Variants in ZNF277 observed in about 807,000 individuals in gnomAD.
ZNF277 encodes zinc finger protein 277, also known as nuclear receptor-interacting factor 4.
In ZNF277, 55 loss-of-function variants were observed where a neutral mutation model predicts 60.7. The observed-to-expected ratio is 0.91, with a 90% CI of 0.73 to 1.13. The LOEUF is 1.13. ZNF277 is among the 50% of genes most tolerant of loss of function. ZNF277 has a pLI of 0.00. For missense variants in ZNF277, 510 were observed against 523.0 expected, an observed-to-expected ratio of 0.98 and a Z score of 0.24; for synonymous variants, 178 against 179.3, an observed-to-expected ratio of 0.99 and a Z score of 0.06.
At chr7:112,298,225 G>T (rs1018287614) in intron 4 of ZNF277, among the ~76,000 whole-genome samples, 1 of 152,120 alleles carries the variant, frequency 6.6e-6, no homozygotes, top group Non-Finnish European at 1.5e-5. Flanking sequence ...ATCTTGCAGG[G>T]CTTATGAAGA....
chr7:112,308,858 G>C (rs1473952322), intron 4 of ZNF277, among the ~76,000 whole-genome samples: 1 of 152,028 alleles, frequency 6.6e-6, no homozygotes, highest in African/African-American at 2.4e-5. Flanking sequence ...CCAAAGAAAT[G>C]GACACCTGTG....
chr7:112,220,056 A>G (rs1480098482), intron 1 of ZNF277, among the ~76,000 whole-genome samples: 3 of 152,188 alleles, frequency 2.0e-5, no homozygotes, highest in African/African-American at 7.2e-5. Context: ...GTGGTTCCAT[A>G]TGAATTTTAG....
At chr7:112,276,133 A>G (rs1791788015) in intron 1 of ZNF277, among the ~76,000 whole-genome samples, 1 of 152,208 alleles carries the variant, frequency 6.6e-6, no homozygotes, top group East Asian at 1.9e-4. Flanking sequence ...TCCTGAACTC[A>G]TTGAGAGTTT....
chr7:112,237,347 A>T (rs779834557), intron 1 of ZNF277, among the ~76,000 whole-genome samples: 5 of 152,196 alleles, frequency 3.3e-5, no homozygotes, highest in Non-Finnish European at 5.9e-5. Context: ...ACCCAAAGCT[A>T]GCAGAAGAAA....
At position 112,330,190 on chromosome 7, in the gene ZNF277, G is replaced by A; in HGVS notation, c.775G>A (p.Asp259Asn). 6.2e-7 allele frequency: 1 copy of A among 1,612,814 alleles called. No individual in the cohort carries two copies. Residue 259 changes from aspartate to asparagine, a missense_variant, in exon 7 of 12, where the codon GAC (aspartate) becomes AAC (asparagine). Transcript: ENST00000361822. ...RKINPKNREYDRFYVINYLEL... is the reference protein window; with the variant it reads ...RKINPKNREYNRFYVINYLEL... ...GATTAATCCTAAGAACAGAGAATAT[G>A]ACAGATTTTATGTCATCAATTATTT... is the stretch of plus-strand genomic sequence containing the variant.
At chr7:112,273,579 T>G (rs1791728972) in intron 1 of ZNF277, among the ~76,000 whole-genome samples, 1 of 152,168 alleles carries the variant, frequency 6.6e-6, no homozygotes, top group Non-Finnish European at 1.5e-5. Flanking sequence ...GTGGATAGTT[T>G]TTCAATTTGG....
At chr7:112,253,148 T>C (rs1791235377) in intron 1 of ZNF277, among the ~76,000 whole-genome samples, 1 of 152,200 alleles carries the variant, frequency 6.6e-6, no homozygotes, top group Non-Finnish European at 1.5e-5. Context: ...AAGGGAGTTA[T>C]TTTGAAGACT....
chr7:112,336,386 T>TA (rs995352870), intron 8 of ZNF277, among the ~76,000 whole-genome samples: 1 of 152,192 alleles, frequency 6.6e-6, no homozygotes, highest in African/African-American at 2.4e-5. Context: ...AAATTAAAGC[T>TA]ATTGATTGAA....
intron 1 of ZNF277, among the ~76,000 whole-genome samples, chr7:112,253,498 T>C (rs1045724912): frequency 6.6e-6 from 1 of 152,178 alleles, no homozygotes; most frequent in African/African-American, 2.4e-5. Context: ...TTAATTTCAT[T>C]ATTTGAAAAA....
chr7:112,210,477 T>G (rs55904663), intron 1 of ZNF277, among the ~76,000 whole-genome samples: 7,069 of 129,408 alleles, frequency 0.055, 296 homozygotes, highest in Non-Finnish European at 0.076. Context: ...TTTTTTTTTT[T>G]GTTTTTTTTT....
intron 4 of ZNF277, among the ~76,000 whole-genome samples, chr7:112,314,732 G>T (rs535498856): frequency 2.0e-5 from 3 of 152,230 alleles, no homozygotes; most frequent in Non-Finnish European, 4.4e-5. Context: ...CGAAGTCGAG[G>T]CTGCAGTGAT....
chr7:112,270,449 T>C (rs1791642827), intron 1 of ZNF277, among the ~76,000 whole-genome samples: 1 of 152,142 alleles, frequency 6.6e-6, no homozygotes, highest in African/African-American at 2.4e-5. Context: ...TATGTATTGC[T>C]GAGGCTTGCT....
chr7:112,276,038 A>G (rs1791785657), intron 1 of ZNF277, among the ~76,000 whole-genome samples: 1 of 152,210 alleles, frequency 6.6e-6, no homozygotes, highest in Non-Finnish European at 1.5e-5. Context: ...CACCCATAGT[A>G]TGGATAGGAA....
intron 11 of ZNF277, 135 bp downstream of exon 11, chr7:112,341,181 G>A: frequency 1.4e-6 from 1 of 710,566 alleles, no homozygotes; most frequent in Non-Finnish European, 2.0e-6. Flanking sequence ...TACAGTGTGG[G>A]GAAAAATGTA....
intron 4 of ZNF277, among the ~76,000 whole-genome samples, chr7:112,312,689 T>A (rs1792758641): frequency 6.6e-6 from 1 of 152,144 alleles, no homozygotes; most frequent in Non-Finnish European, 1.5e-5. Flanking sequence ...ATTGTACTGT[T>A]GATTTAACTT....
At chr7:112,267,831 T>C (rs1478010328) in intron 1 of ZNF277, among the ~76,000 whole-genome samples, 1 of 152,162 alleles carries the variant, frequency 6.6e-6, no homozygotes, top group Non-Finnish European at 1.5e-5. Context: ...ACTTTCAAAA[T>C]AGCAGGGGTG....
chr7:112,222,696 G>A (rs927789035), intron 1 of ZNF277, among the ~76,000 whole-genome samples: 1 of 152,168 alleles, frequency 6.6e-6, no homozygotes, highest in Non-Finnish European at 1.5e-5. Context: ...AGTACTGCAA[G>A]CCTGCCCTTG....
intron 1 of ZNF277, among the ~76,000 whole-genome samples, chr7:112,283,198 A>G (rs1285054970): frequency 2.0e-5 from 3 of 152,160 alleles, no homozygotes; most frequent in Non-Finnish European, 4.4e-5. Context: ...ATCAGAGAAA[A>G]CTTTAAAATC....
intron 4 of ZNF277, among the ~76,000 whole-genome samples, chr7:112,302,475 A>G (rs1262247448): frequency 6.6e-6 from 1 of 152,160 alleles, no homozygotes; most frequent in Non-Finnish European, 1.5e-5. Context: ...AAGTTCTAAT[A>G]CTGCATCTAG....
Sources: allele counts gnomAD v4.1 joint callset (sites outside exome capture counted in the v4.1 genomes callset), GRCh38; gene constraint gnomAD v4.1.1; transcripts MANE v1.5; gene names NCBI Gene and HGNC (gene_info 2026-07-23, HGNC 2026-07-21).